The following SGCD variants were observed in gnomAD, a reference collection of about 807,000 sequenced individuals.
The protein encoded by SGCD is delta-sarcoglycan.
Under a neutral mutation model 36.6 loss-of-function variants are expected in SGCD, and 18 were observed. That is an observed-to-expected ratio of 0.49 (90% CI 0.34 to 0.73). SGCD has a LOEUF of 0.73. Ranked by LOEUF, SGCD falls within the 30% of genes least tolerant of loss-of-function variation. The pLI is 0.01. For missense variants in SGCD, 387 were observed against 346.7 expected (o/e 1.12, Z -0.92); for synonymous variants, 133 against 130.6 (o/e 1.02, Z -0.12).
At chr5:155,767,391 G>A in the SGCD span, among the ~76,000 whole-genome samples, 1 of 152,180 alleles carries the variant, frequency 6.6e-6, no homozygotes, top group East Asian at 1.9e-4. Context: ...ATTGGCAGTG[G>A]CACCTTGTTA....
chr5:156,004,178 A>C (rs573391352), intron 1 of SGCD, among the ~76,000 whole-genome samples: 14 of 152,304 alleles, frequency 9.2e-5, no homozygotes, highest in African/African-American at 3.4e-4. Flanking sequence ...AGGCTATTTG[A>C]TATTCATAGC....
At chr5:156,486,817 A>C (rs999558337) in intron 3 of SGCD, among the ~76,000 whole-genome samples, 2 of 151,852 alleles carry the variant, frequency 1.3e-5, no homozygotes, top group African/African-American at 2.4e-5. Context: ...ACAGACACCC[A>C]CCCACATGTG....
At chr5:155,817,008 A>G in the SGCD span, among the ~76,000 whole-genome samples, 6 of 152,178 alleles carry the variant, frequency 3.9e-5, no homozygotes, top group Admixed American at 3.3e-4. Context: ...TATATTTTAC[A>G]TTGTTGCAAT....
At chr5:156,544,931 T>C (rs575412834) in intron 4 of SGCD, among the ~76,000 whole-genome samples, 1 of 152,254 alleles carries the variant, frequency 6.6e-6, no homozygotes, top group African/African-American at 2.4e-5. Flanking sequence ...CCATAGCTAG[T>C]TTGTGGAGGA....
chr5:156,477,988 T>G (rs1046556961), intron 3 of SGCD, among the ~76,000 whole-genome samples: 1 of 151,734 alleles, frequency 6.6e-6, no homozygotes, highest in Non-Finnish European at 1.5e-5. Flanking sequence ...TCATAAAGAA[T>G]GGAAGGAGTG....
At chr5:155,882,570 A>G (rs931547314) in intron 1 of SGCD, among the ~76,000 whole-genome samples, 3 of 152,240 alleles carry the variant, frequency 2.0e-5, no homozygotes, top group Non-Finnish European at 4.4e-5. Flanking sequence ...GTCAGCAGGC[A>G]GGAAAACAAC....
At chr5:156,744,234 A>C (rs1238833073) in intron 7 of SGCD, among the ~76,000 whole-genome samples, 1 of 152,202 alleles carries the variant, frequency 6.6e-6, no homozygotes, top group East Asian at 1.9e-4. Context: ...AACATTTCCC[A>C]AAATCCTTCC....
intron 3 of SGCD, among the ~76,000 whole-genome samples, chr5:156,276,199 T>C (rs1766314019): frequency 6.6e-6 from 1 of 152,178 alleles, no homozygotes; most frequent in African/African-American, 2.4e-5. Context: ...GCAATTAAGA[T>C]GTGTCCCTGT....
the SGCD span, among the ~76,000 whole-genome samples, chr5:155,772,396 C>G: frequency 6.6e-6 from 1 of 152,154 alleles, no homozygotes; most frequent in African/African-American, 2.4e-5. Context: ...GAGGGACAGT[C>G]TGGCTAGAGA....
At chr5:156,684,989 G>A (rs963958770) in intron 7 of SGCD, among the ~76,000 whole-genome samples, 3 of 152,248 alleles carry the variant, frequency 2.0e-5, no homozygotes, top group Middle Eastern at 3.4e-3. Context: ...AAAACAAAGG[G>A]TGAAAAAGAT....
intron 1 of SGCD, among the ~76,000 whole-genome samples, chr5:156,047,269 A>G (rs1759791149): frequency 6.6e-6 from 1 of 152,206 alleles, no homozygotes; most frequent in South Asian, 2.1e-4. Context: ...AAGCTACATA[A>G]GTTATCCGGA....
the SGCD span, among the ~76,000 whole-genome samples, chr5:155,744,824 A>C: frequency 9.2e-5 from 14 of 152,236 alleles, no homozygotes; most frequent in Non-Finnish European, 1.8e-4. Flanking sequence ...GAGGTACAAC[A>C]TTTGATGAGA....
intron 2 of SGCD, among the ~76,000 whole-genome samples, chr5:156,337,204 C>T (rs1302833200): frequency 6.6e-6 from 1 of 152,190 alleles, no homozygotes; most frequent in East Asian, 1.9e-4. Context: ...CCACAACAAA[C>T]TCTAGAAACT....
At chr5:155,983,963 G>T (rs1051918944) in intron 1 of SGCD, among the ~76,000 whole-genome samples, 7 of 152,184 alleles carry the variant, frequency 4.6e-5, no homozygotes, top group Non-Finnish European at 1.0e-4. Flanking sequence ...ATCCGTGGAT[G>T]AAAATTTCAT....
At chr5:156,504,037 C>A (rs1756577525) in intron 3 of SGCD, among the ~76,000 whole-genome samples, 1 of 151,786 alleles carries the variant, frequency 6.6e-6, no homozygotes, top group Admixed American at 6.6e-5. Context: ...AACCCCATCA[C>A]TACTAAGAAT....
intron 1 of SGCD, among the ~76,000 whole-genome samples, chr5:156,079,541 A>G (rs1760892517): frequency 6.6e-6 from 1 of 152,236 alleles, no homozygotes; most frequent in East Asian, 1.9e-4. Context: ...CTTCCAGGAT[A>G]CAATGAGGGT....
At chr5:156,394,973 C>T (rs1364735770) in intron 3 of SGCD, among the ~76,000 whole-genome samples, 7 of 152,110 alleles carry the variant, frequency 4.6e-5, no homozygotes, top group East Asian at 1.9e-4. Flanking sequence ...TGGCTTTATC[C>T]GTGTATTGAA....
chr5:156,405,832 G>A (rs1053112138), intron 3 of SGCD, among the ~76,000 whole-genome samples: 1 of 152,052 alleles, frequency 6.6e-6, no homozygotes, highest in African/African-American at 2.4e-5. Context: ...TCAAGCTCCT[G>A]AGTCTTCTGC....
intron 6 of SGCD, among the ~76,000 whole-genome samples, chr5:156,606,750 A>G (rs1211070456): frequency 3.3e-5 from 5 of 152,160 alleles, no homozygotes; most frequent in Non-Finnish European, 4.4e-5. Flanking sequence ...TTCTCCTTGA[A>G]GAGGTCCTTC....
Sources: gnomAD v4.1 joint callset for allele counts (sites outside exome capture counted in the v4.1 genomes callset) on GRCh38, gnomAD v4.1.1 for gene constraint, MANE v1.5 for transcripts, NCBI Gene and HGNC (gene_info 2026-07-23, HGNC 2026-07-21) for gene names.